The following TNIK variants were observed in gnomAD, a reference collection of about 807,000 sequenced individuals.
The protein encoded by TNIK is TRAF2 and NCK interacting kinase.
TNIK carries 49 observed loss-of-function variants against 191.3 expected under a neutral mutation model. The ratio of observed to expected loss-of-function variants is 0.26; its 90% CI spans 0.20 to 0.32. The LOEUF is 0.32. TNIK is among the 10% of genes least tolerant of loss of function. TNIK has a pLI of 1.00. For synonymous variants in TNIK, 594 were observed against 600.9 expected, an observed-to-expected ratio of 0.99 and a Z score of 0.17; for missense variants, 1,155 against 1,702.3, an observed-to-expected ratio of 0.68 and a Z score of 5.66.
chr3:171,265,283 T>C (rs1748243290), intron 2 of TNIK, among the ~76,000 whole-genome samples: 1 of 152,184 alleles, frequency 6.6e-6, no homozygotes, highest in Non-Finnish European at 1.5e-5. Context: ...TTTCAAATAA[T>C]AGGAGAAAAT....
At chr3:171,387,427 G>A (rs1718876304) in intron 1 of TNIK, among the ~76,000 whole-genome samples, 1 of 152,130 alleles carries the variant, frequency 6.6e-6, no homozygotes, top group Admixed American at 6.6e-5. Context: ...TGTAACTAAA[G>A]CAAGCCTACA....
At chr3:171,218,645 C>T (rs535356970) in intron 3 of TNIK, among the ~76,000 whole-genome samples, 8 of 149,876 alleles carry the variant, frequency 5.3e-5, no homozygotes, top group Non-Finnish European at 8.9e-5. Context: ...TTTCAATTTG[C>T]TTTTCCTTCA....
chr3:171,175,358 T>A, intron 8 of TNIK, 28 bp from the exon 9 acceptor site: 1 of 1,586,938 alleles, frequency 6.3e-7, no homozygotes, highest in Admixed American at 1.8e-5. Flanking sequence ...AAGGGCCAGC[T>A]ACAGTTAGGA....
At chr3:171,194,241 A>G (rs1241966244) in intron 5 of TNIK, among the ~76,000 whole-genome samples, 12 of 152,242 alleles carry the variant, frequency 7.9e-5, no homozygotes, top group Non-Finnish European at 1.3e-4. Flanking sequence ...AATTGGAAAC[A>G]GCATTGAAAA....
intron 2 of TNIK, among the ~76,000 whole-genome samples, chr3:171,275,891 C>T (rs1215127691): frequency 6.9e-5 from 10 of 145,088 alleles, no homozygotes; most frequent in South Asian, 2.3e-4. Context: ...AGCGCGACTC[C>T]GTCTCAAAAT....
chr3:171,411,052 A>G (rs1163387910), intron 1 of TNIK, among the ~76,000 whole-genome samples: 2 of 150,148 alleles, frequency 1.3e-5, no homozygotes, highest in Non-Finnish European at 3.0e-5. Flanking sequence ...CCACTCCTGT[A>G]AAACATCAAT....
intron 18 of TNIK, among the ~76,000 whole-genome samples, chr3:171,121,366 G>T (rs567765486): frequency 9.2e-5 from 14 of 152,202 alleles, no homozygotes; most frequent in Non-Finnish European, 1.8e-4. Flanking sequence ...CCCCTGTGTA[G>T]TTCCTTCCCA....
At chr3:171,168,102 T>G (rs1263140085) in intron 9 of TNIK, among the ~76,000 whole-genome samples, 1 of 152,102 alleles carries the variant, frequency 6.6e-6, no homozygotes, top group African/African-American at 2.4e-5. Flanking sequence ...ATACCTACGA[T>G]TATGGCAGTA....
At chr3:171,103,919 AC>A (rs939210182) in intron 21 of TNIK, among the ~76,000 whole-genome samples, 1 of 152,050 alleles carries the variant, frequency 6.6e-6, no homozygotes, top group Non-Finnish European at 1.5e-5. Context: ...AAAAACTTTC[AC>A]TTGTTAAAAT....
At chr3:171,082,441 A>G (rs1362999551) in intron 26 of TNIK, 47 bp from the exon 27 acceptor site, 4 of 1,585,838 alleles carry the variant, frequency 2.5e-6, no homozygotes, top group South Asian at 1.2e-5. Flanking sequence ...ATGAACTTTA[A>G]TCTTCTGCAT....
rs1318124347 is a variant in TNIK at position 171,094,814 on chromosome 3, T to G, written c.2592-846A>C. On this transcript the variant is annotated intron_variant, in intron 22 of 32. Coordinates refer to ENST00000436636, the MANE Select transcript of TNIK (RefSeq NM_015028.4). The stretch of plus-strand genomic sequence containing the variant: ...TTTTCTCTTCACCCTTTTTCCTTCA[T>G]AGTTCTCATCACAATTTGCAATTAT... Among the ~76,000 whole-genome samples the G allele has an allele frequency of 4.6e-5, 7 of 152,180 alleles. No homozygotes were observed. In the East Asian group the frequency reaches 1.3e-3, roughly 29 times the overall value.
intron 18 of TNIK, among the ~76,000 whole-genome samples, chr3:171,120,692 C>G (rs894167030): frequency 6.6e-6 from 1 of 152,098 alleles, no homozygotes; most frequent in Non-Finnish European, 1.5e-5. Context: ...AGAGGTAGAA[C>G]TGGTCTCCTT....
At chr3:171,123,796 C>T (rs1456599091) in intron 17 of TNIK, 94 bp from the exon 18 acceptor site, 5 of 866,194 alleles carry the variant, frequency 5.8e-6, no homozygotes, top group Non-Finnish European at 8.7e-6. Context: ...TGCCAGAAGC[C>T]ACAGAAACTA....
At chr3:171,458,413 A>G (rs541021345) in intron 1 of TNIK, among the ~76,000 whole-genome samples, 11 of 152,236 alleles carry the variant, frequency 7.2e-5, no homozygotes, top group African/African-American at 2.6e-4. Context: ...TAATGCATGA[A>G]TGAGCTTTGG....
At position 171,108,166 on chromosome 3, in the gene TNIK, G is replaced by C; in HGVS notation, c.2285-4C>G. The C allele has an allele frequency of 6.5e-7, 1 of 1,534,094 alleles. No individual in the cohort carries two copies. On this transcript the variant is annotated splice_region_variant and splice_polypyrimidine_tract_variant and intron_variant, in intron 19 of 32. Coordinates refer to ENST00000436636, the MANE Select transcript of TNIK (RefSeq NM_015028.4). ...GATCCTTCTGACTTACTGTTGGCTA[G>C]AGGAAAAAAACAGAGGACCAAGAAA...
At chr3:171,438,763 G>C (rs980215071) in intron 1 of TNIK, among the ~76,000 whole-genome samples, 35 of 152,304 alleles carry the variant, frequency 2.3e-4, no homozygotes, top group African/African-American at 7.5e-4. Context: ...CAGGGGTTTT[G>C]TGGCTCGATC....
At chr3:171,408,256 CT>C (rs892196238) in intron 1 of TNIK, among the ~76,000 whole-genome samples, 14 of 151,826 alleles carry the variant, frequency 9.2e-5, no homozygotes, top group African/African-American at 2.4e-4. Flanking sequence ...CACATTAGGG[CT>C]TTTTTTTCCC....
intron 2 of TNIK, among the ~76,000 whole-genome samples, chr3:171,259,149 T>A (rs1454902975): frequency 6.6e-6 from 1 of 152,168 alleles, no homozygotes; most frequent in Non-Finnish European, 1.5e-5. Context: ...TGTGTGTGTG[T>A]ATATGGCACA....
At chr3:171,300,233 C>A (rs1752734583) in intron 2 of TNIK, among the ~76,000 whole-genome samples, 1 of 152,120 alleles carries the variant, frequency 6.6e-6, no homozygotes, top group South Asian at 2.1e-4. Flanking sequence ...GGCTGGCAAA[C>A]CTATGTACCT....
Sources: allele counts gnomAD v4.1 joint callset (sites outside exome capture counted in the v4.1 genomes callset), GRCh38; gene constraint gnomAD v4.1.1; transcripts MANE v1.5; gene names NCBI Gene and HGNC (gene_info 2026-07-23, HGNC 2026-07-21).